The following MYRFL variants were observed in gnomAD, a reference collection of about 807,000 sequenced individuals.
MYRFL encodes the protein myelin regulatory factor-like protein.
In MYRFL, 88 loss-of-function variants were observed where a neutral mutation model predicts 109.4. That is an observed-to-expected ratio of 0.80 (90% CI 0.68 to 0.96). The LOEUF (loss-of-function observed/expected upper bound fraction) is 0.96, where lower values mean the gene tolerates loss of function less well. Among genes scored for constraint, MYRFL ranks in the 40% least tolerant of loss-of-function variants. The pLI is 0.00. For synonymous variants in MYRFL, 324 were observed against 320.9 expected (o/e 1.01, Z -0.10); for missense variants, 957 against 954.9 (o/e 1.00, Z -0.03).
rs1882214009 is a variant in MYRFL, at chr12:69,825,432, A to C, written c.-86A>C. The stretch of plus-strand genomic sequence containing the variant: ...ATGAAGATTTTTCAAGAGCATTCGT[A>C]GGCTTCGAATCAAAAGGACAGTACT... On this transcript the variant is annotated 5_prime_UTR_variant, in exon 1 of 25. An upstream open reading frame in the 5' UTR loses its in-frame stop. Transcript: ENST00000552032. The C allele has an allele frequency of 8.6e-6, 6 of 694,134 alleles. No individual in the cohort carries two copies. In the Admixed American group the frequency reaches 1.0e-4, roughly 12 times the overall value. 43.0% of individuals were successfully genotyped at this position (694,134 alleles called of 1,614,324 possible). A position where few individuals can be genotyped will look rare whatever the true frequency, so the allele number is the denominator to read the frequency against.
intron 13 of MYRFL, among the ~76,000 whole-genome samples, chr12:69,917,276 C>T (rs185818667): frequency 2.6e-4 from 40 of 152,232 alleles, no homozygotes; most frequent in African/African-American, 9.4e-4. Context: ...GCTGCAGACC[C>T]TATCCACCCC....
chr12:69,910,815 A>T lies in MYRFL; in HGVS notation c.1493-6A>T. ...AGATTAAACCTGTGGAGTGTTTTGT[A>T]TACAGGAATGATTGCCCAGGAGGTG... On this transcript the variant is annotated splice_region_variant and splice_polypyrimidine_tract_variant and intron_variant, in intron 12 of 24. Coordinates refer to ENST00000552032, the MANE Select transcript of MYRFL (RefSeq NM_182530.3). The T allele has an allele frequency of 6.5e-7, 1 of 1,528,510 alleles. No homozygotes were observed. The highest frequency in any genetic ancestry group is 8.8e-7 in the Non-Finnish European group (1 of 1,140,338). 94.7% of individuals were successfully genotyped at this position (1,528,510 alleles called of 1,614,324 possible).
chr12:69,918,010 A>G (rs1192284257), intron 13 of MYRFL, among the ~76,000 whole-genome samples: 1 of 151,830 alleles, frequency 6.6e-6, no homozygotes, highest in African/African-American at 2.4e-5. Context: ...TTAAGGAGGG[A>G]AAGGTTATGG....
rs56988555 is a variant in MYRFL, at chr12:69,945,986, C to CAAAAAAA, written c.2225-6105_2225-6099dup. Among the ~76,000 whole-genome samples the CAAAAAAA allele has an allele frequency of 1.9e-3, 82 of 42,346 alleles. 6 individuals carry two copies. The highest frequency in any genetic ancestry group is 4.6e-3 in the African/African-American group (51 of 11,018). 27.8% of individuals were successfully genotyped at this position (42,346 alleles called of 152,430 possible). On this transcript the variant is annotated intron_variant, in intron 19 of 24. Coordinates refer to ENST00000552032, the MANE Select transcript of MYRFL (RefSeq NM_182530.3). ...TGGGCGACAGAGCGAGACTCCGTCT[C>CAAAAAAA]AAAAAAAAAAAAAAAAAAAAAAAAA...
At chr12:69,863,443 A>G (rs1401550172) in intron 2 of MYRFL, among the ~76,000 whole-genome samples, 1 of 152,180 alleles carries the variant, frequency 6.6e-6, no homozygotes, top group Non-Finnish European at 1.5e-5. Context: ...TTATTGATCT[A>G]TTCAGAAATT....
intron 2 of MYRFL, among the ~76,000 whole-genome samples, chr12:69,868,907 C>G (rs572734438): frequency 6.6e-6 from 1 of 151,892 alleles, no homozygotes; most frequent in African/African-American, 2.4e-5. Flanking sequence ...TACGCACACG[C>G]GCACACACAC....
chr12:69,893,804 A>G lies in MYRFL; in HGVS notation c.944A>G (p.Gln315Arg). ...TNQIIAIEQS[Q>R]ADRSKKIFNP... ...CAAATAATTGCTATTGAACAGTCCCAAGCAGATAGGAGCAAAAAGATTTTC... is the reference window on the plus strand; with the variant it reads ...CAAATAATTGCTATTGAACAGTCCCGAGCAGATAGGAGCAAAAAGATTTTC... Residue 315 changes from glutamine (Q) to arginine (R), a missense_variant, in exon 8 of 25, where the codon CAA becomes CGA. Transcript: ENST00000552032. 1.4e-6 allele frequency: 2 copies of G among 1,408,942 alleles called. No individual in the cohort carries two copies. Among genetic ancestry groups the G allele is most frequent in the Non-Finnish European group, 1.8e-6 (2 of 1,081,642 alleles). The allele number at this position is 1,408,942 out of a possible 1,614,324, so 87.3% of individuals were successfully genotyped here.
intron 2 of MYRFL, among the ~76,000 whole-genome samples, chr12:69,873,752 G>T (rs1363662111): frequency 6.6e-6 from 1 of 152,092 alleles, no homozygotes; most frequent in Non-Finnish European, 1.5e-5. Context: ...GACCAAGGTT[G>T]ATTGTGGGTA....
chr12:69,934,195 G>A (rs1228734175), intron 16 of MYRFL, among the ~76,000 whole-genome samples: 3 of 152,216 alleles, frequency 2.0e-5, no homozygotes, highest in African/African-American at 7.2e-5. Flanking sequence ...ACTCACAGCA[G>A]TGGTGCCCCA....
At chr12:69,933,341 C>T (rs542881866) in intron 16 of MYRFL, among the ~76,000 whole-genome samples, 7 of 152,232 alleles carry the variant, frequency 4.6e-5, no homozygotes, top group South Asian at 4.1e-4. Context: ...TTCTCTTGCC[C>T]GTCTTCTCTG....
intron 11 of MYRFL, among the ~76,000 whole-genome samples, chr12:69,907,822 T>C (rs752991609): frequency 1.3e-5 from 2 of 152,202 alleles, no homozygotes; most frequent in Non-Finnish European, 2.9e-5. Flanking sequence ...GAATCTCCAG[T>C]GCTTAGGAGA....
chr12:69,882,947 T>C (rs987695699), intron 5 of MYRFL, among the ~76,000 whole-genome samples: 2 of 152,238 alleles, frequency 1.3e-5, no homozygotes, highest in African/African-American at 4.8e-5. Flanking sequence ...TTATTTTTCT[T>C]GATTATGAAA....
rs528193302 is a variant in MYRFL at position 69,891,364 on chromosome 12, T to C, written c.903+198T>C. Among the ~76,000 whole-genome samples the C allele has an allele frequency of 2.6e-5, 4 of 152,308 alleles. No homozygotes were observed. In the South Asian group the frequency reaches 8.3e-4, roughly 32 times the overall value. ...AAGTCATCAACTGGGGCAGCTTAAC[T>C]GGGCCATTTTCAAGAAGCACTCAGA... On this transcript the variant is annotated intron_variant, in intron 7 of 24. Coordinates refer to ENST00000552032, the MANE Select transcript of MYRFL (RefSeq NM_182530.3).
chr12:69,858,503 C>A (rs1446902426), intron 2 of MYRFL, among the ~76,000 whole-genome samples: 4 of 151,956 alleles, frequency 2.6e-5, no homozygotes, highest in African/African-American at 9.6e-5. Context: ...GTCTTAAATA[C>A]AAATTTAATT....
Position 69,825,553 on chromosome 12 carries a change from G to C in MYRFL, c.36G>C (p.Gln12His). The change falls in exon 1 of 25, where the codon CAG (glutamine) becomes CAC (histidine). Residue 12 changes from glutamine to histidine, a missense_variant. Physicochemically the swap from Gln to His is conservative, Grantham distance 24. Transcript: ENST00000552032. ...TAGGCGAAAATGAGGCCCTGCAGCA[G>C]TTCTTTGAAGGTAAGAGGCCAATTT... ...DVVGENEALQ[Q>H]FFEAQGANGT... The C allele has an allele frequency of 1.4e-6, 1 of 701,994 alleles. No homozygotes were observed. The highest frequency in any genetic ancestry group is 2.6e-6 in the Non-Finnish European group (1 of 384,300). 43.5% of individuals were successfully genotyped at this position (701,994 alleles called of 1,614,324 possible).
At chr12:69,869,844 T>C (rs1885235568) in intron 2 of MYRFL, among the ~76,000 whole-genome samples, 1 of 152,174 alleles carries the variant, frequency 6.6e-6, no homozygotes, top group East Asian at 1.9e-4. Flanking sequence ...GTAAGCCTGG[T>C]TGCAATATGA....
At chr12:69,875,872 T>G (rs368758692) in intron 2 of MYRFL, among the ~76,000 whole-genome samples, 1 of 152,192 alleles carries the variant, frequency 6.6e-6, no homozygotes, top group South Asian at 2.1e-4. Context: ...TTTTTGTACC[T>G]GGACATTGTG....
At chr12:69,924,404 CT>C (rs139447208) in intron 13 of MYRFL, among the ~76,000 whole-genome samples, 8,389 of 151,986 alleles carry the variant, frequency 0.055, 755 homozygotes, top group African/African-American at 0.19. Context: ...TCTTCTTATA[CT>C]ACAGACTTTG....
intron 19 of MYRFL, among the ~76,000 whole-genome samples, chr12:69,951,450 G>A (rs1815356149): frequency 8.0e-6 from 1 of 125,596 alleles, no homozygotes; most frequent in South Asian, 2.8e-4. Flanking sequence ...TTTTTGAGAT[G>A]GAGTTTCACT....
Sources: allele counts gnomAD v4.1 joint callset (sites outside exome capture counted in the v4.1 genomes callset), GRCh38; gene constraint gnomAD v4.1.1; transcripts MANE v1.5; gene names NCBI Gene and HGNC (gene_info 2026-07-23, HGNC 2026-07-21).